SMCO4: variants seen among roughly 807,000 people sequenced by gnomAD.
SMCO4 encodes single-pass membrane protein with coiled-coil domains 4.
SMCO4 carries 4 observed loss-of-function variants against 3.6 expected under a neutral mutation model. The observed-to-expected ratio is 1.11, with a 90% CI of 0.54 to 2.53. The LOEUF is 2.53. Ranked by LOEUF, SMCO4 falls within the 30% of genes most tolerant of loss-of-function variation. The probability of loss-of-function intolerance (pLI) is 0.02; values close to 1 mark genes in which losing one functional copy is unlikely to be tolerated. For missense variants in SMCO4, 70 were observed against 80.8 expected (o/e 0.87, Z 0.51); for synonymous variants, 36 against 35.3 (o/e 1.02, Z -0.07).
intron 1 of SMCO4, among the ~76,000 whole-genome samples, chr11:93,534,299 T>C (rs528390142): frequency 8.1e-5 from 12 of 147,966 alleles, no homozygotes; most frequent in Non-Finnish European, 1.8e-4. Context: ...CACACACATA[T>C]ATATACATAT....
intron 2 of SMCO4, 46 bp downstream of exon 2, chr11:93,499,230 T>A (rs1279236259): frequency 6.6e-6 from 1 of 152,214 alleles, no homozygotes; most frequent in Non-Finnish European, 1.5e-5. Context: ...ACTGGGACAG[T>A]AACCTCTCCC....
intron 2 of SMCO4, among the ~76,000 whole-genome samples, chr11:93,479,479 G>A (rs996103203): frequency 3.3e-5 from 5 of 152,144 alleles, no homozygotes; most frequent in South Asian, 2.1e-4. Context: ...AGGGGCCTCC[G>A]CTCCAGCGCC....
At chr11:93,508,171 C>T (rs1019917056) in intron 1 of SMCO4, among the ~76,000 whole-genome samples, 1 of 152,024 alleles carries the variant, frequency 6.6e-6, no homozygotes, top group African/African-American at 2.4e-5. Context: ...TAAAGGGGTC[C>T]TGAAACCAAT....
At chr11:93,533,480 A>C (rs113535210) in intron 1 of SMCO4, among the ~76,000 whole-genome samples, 1,633 of 152,290 alleles carry the variant, frequency 0.011, 22 homozygotes, top group Non-Finnish European at 0.016. Flanking sequence ...CAGAGCACAG[A>C]GAGCTGGGCC....
chr11:93,541,524 G>T (rs1190934831), intron 1 of SMCO4, among the ~76,000 whole-genome samples: 4 of 152,094 alleles, frequency 2.6e-5, no homozygotes, highest in Non-Finnish European at 5.9e-5. Context: ...ATGTTCTTCA[G>T]ACAAACCCCA....
the SMCO4 span, among the ~76,000 whole-genome samples, chr11:93,553,519 C>A: frequency 1.3e-5 from 2 of 152,156 alleles, no homozygotes; most frequent in African/African-American, 4.8e-5. Context: ...GAATTTGCTA[C>A]CAGTAGAAAT....
the SMCO4 span, among the ~76,000 whole-genome samples, chr11:93,553,146 A>G: frequency 6.6e-6 from 1 of 152,240 alleles, no homozygotes; most frequent in East Asian, 1.9e-4. Context: ...AAAGAATTCT[A>G]AATGGGACAG....
intron 1 of SMCO4, among the ~76,000 whole-genome samples, chr11:93,503,904 T>C (rs1183266422): frequency 6.6e-6 from 1 of 152,244 alleles, no homozygotes; most frequent in Non-Finnish European, 1.5e-5. Flanking sequence ...TACAAGTCCA[T>C]GTTGCTCTCA....
At chr11:93,525,704 T>C (rs545005910) in intron 1 of SMCO4, among the ~76,000 whole-genome samples, 4 of 152,118 alleles carry the variant, frequency 2.6e-5, no homozygotes, top group South Asian at 2.1e-4. Context: ...ATCCGGAAAT[T>C]AGATGTCCAA....
chr11:93,516,204 C>T (rs999974694), intron 1 of SMCO4, among the ~76,000 whole-genome samples: 34 of 152,192 alleles, frequency 2.2e-4, no homozygotes, highest in Middle Eastern at 3.4e-3. Flanking sequence ...GACCAAGAAC[C>T]ATGCTTGGCA....
rs1043615115 is a variant in SMCO4, at chr11:93,525,318, C to T, written c.-154+17958G>A. ...TCTGTAAAATGGAGAAAATAATAAC[C>T]ACTTTCTGAGCTTGTTGTGAGGATT... On this transcript the variant is annotated intron_variant, in intron 1 of 2. Transcript: ENST00000298966. Among the ~76,000 whole-genome samples, 4 of 152,158 alleles carry T rather than the reference C, an allele frequency of 2.6e-5. No individual in the cohort carries two copies. In the South Asian group the frequency reaches 8.3e-4, roughly 31 times the overall value.
chr11:93,545,588 CAAAAAAAAAAA>C (rs143549634), upstream of SMCO4, among the ~76,000 whole-genome samples: 8 of 85,996 alleles, frequency 9.3e-5, no homozygotes, highest in East Asian at 2.7e-3. Context: ...AACTCTGTCT[CAAAAAAAAAAA>C]AAAAAAAAAA....
chr11:93,496,877 A>T (rs1948779649), intron 2 of SMCO4, among the ~76,000 whole-genome samples: 1 of 152,190 alleles, frequency 6.6e-6, no homozygotes, highest in Non-Finnish European at 1.5e-5. Flanking sequence ...GATTCCCAGT[A>T]AAAGGGTGTT....
At chr11:93,502,759 T>C (rs1312144467) in intron 1 of SMCO4, among the ~76,000 whole-genome samples, 1 of 152,104 alleles carries the variant, frequency 6.6e-6, no homozygotes, top group Non-Finnish European at 1.5e-5. Context: ...AAAAAGAAAC[T>C]TATCCAACAA....
chr11:93,528,120 A>T (rs929098608), intron 1 of SMCO4, among the ~76,000 whole-genome samples: 1 of 152,148 alleles, frequency 6.6e-6, no homozygotes, highest in Non-Finnish European at 1.5e-5. Flanking sequence ...AAAAATGCTT[A>T]AAAAGCCCTC....
chr11:93,525,181 A>C (rs1949094900), intron 1 of SMCO4, among the ~76,000 whole-genome samples: 1 of 152,228 alleles, frequency 6.6e-6, no homozygotes, highest in South Asian at 2.1e-4. Context: ...TGTGCTATGC[A>C]GCAAAAGGCC....
chr11:93,519,850 T>C (rs1949041626), intron 1 of SMCO4, among the ~76,000 whole-genome samples: 1 of 152,148 alleles, frequency 6.6e-6, no homozygotes, highest in Non-Finnish European at 1.5e-5. Flanking sequence ...ACTTGTAATA[T>C]CCCCTATGTG....
At position 93,506,205 on chromosome 11, in the gene SMCO4, C is replaced by T. The variant is rs189803235; in HGVS notation, c.-153-6857G>A. Among the ~76,000 whole-genome samples the T allele has an allele frequency of 9.5e-4, 144 of 152,272 alleles. 2 individuals are homozygous for T. The highest frequency in any genetic ancestry group is 3.1e-3 in the African/African-American group (130 of 41,552). On this transcript the variant is annotated intron_variant, in intron 1 of 2. Transcript: ENST00000298966. ...GCCAAGATATGGAAAGCGAGAGAAT[C>T]TAGAGCATGCAGATGAATGATGGGC...
chr11:93,544,006 C>G (rs1231837101), upstream of SMCO4, among the ~76,000 whole-genome samples: 1 of 152,192 alleles, frequency 6.6e-6, no homozygotes, highest in Admixed American at 6.5e-5. Context: ...GGACCAGCGC[C>G]AAATCCGCAA....
Sources: allele counts gnomAD v4.1 joint callset (sites outside exome capture counted in the v4.1 genomes callset), GRCh38; gene constraint gnomAD v4.1.1; transcripts MANE v1.5; gene names NCBI Gene and HGNC (gene_info 2026-07-23, HGNC 2026-07-21).